Variants in PCDH9 observed in about 807,000 individuals in gnomAD.
PCDH9 encodes the protein protocadherin-9.
Under a neutral mutation model 70.6 loss-of-function variants are expected in PCDH9, and 24 were observed. The ratio of observed to expected loss-of-function variants is 0.34; its 90% CI spans 0.25 to 0.48. The LOEUF (loss-of-function observed/expected upper bound fraction) is 0.48, where lower values mean the gene tolerates loss of function less well. Among genes scored for constraint, PCDH9 ranks in the 20% least tolerant of loss-of-function variants. PCDH9 has a pLI of 0.99. For missense variants in PCDH9, 1,281 were observed against 1,503.6 expected, an observed-to-expected ratio of 0.85 and a Z score of 2.45; for synonymous variants, 562 against 558.5, an observed-to-expected ratio of 1.01 and a Z score of -0.09.
chr13:67,032,799 T>C (rs7317342), intron 2 of PCDH9, among the ~76,000 whole-genome samples: 16,316 of 152,160 alleles, frequency 0.11, 957 homozygotes, highest in Middle Eastern at 0.16. Flanking sequence ...TGCAGACAAG[T>C]TACTGAGTGA....
chr13:67,083,200 T>C (rs1254251921), intron 2 of PCDH9, among the ~76,000 whole-genome samples: 4 of 152,262 alleles, frequency 2.6e-5, no homozygotes, highest in South Asian at 2.1e-4. Flanking sequence ...AAATAACATA[T>C]GTATTATTAA....
chr13:67,226,911 C>A lies in PCDH9; in HGVS notation c.1530G>T (p.Pro510=), dbSNP rs568719540. 2 of 1,614,168 alleles carry A rather than the reference C, an allele frequency of 1.2e-6. No homozygotes were observed. Among genetic ancestry groups the A allele is most frequent in the African/African-American group, 1.3e-5 (1 of 75,030 alleles). Residue 510 remains proline, a synonymous_variant, in exon 2 of 5, where the codon CCG becomes CCT. Transcript: ENST00000377865. The surrounding 1 kb of genome is among the most constrained non-coding windows in gnomAD (Gnocchi z 5.0). ...GGTCCAGATCAAAGAAGGAGGCATT[C>A]GGTCCAAGCTGATAAACAATGTCTG... ...KNADIVYQLG[P]NASFFDLDRK... is the part of the protein sequence containing the mutation.
chr13:67,111,292 G>A (rs542400442), intron 2 of PCDH9, among the ~76,000 whole-genome samples: 311 of 152,198 alleles, frequency 2.0e-3, no homozygotes, highest in Non-Finnish European at 4.0e-3. Flanking sequence ...ATATATAGTC[G>A]TTATCATTCT....
At chr13:67,165,207 T>G (rs1307149386) in intron 2 of PCDH9, among the ~76,000 whole-genome samples, 3 of 152,284 alleles carry the variant, frequency 2.0e-5, no homozygotes, top group African/African-American at 7.2e-5. Flanking sequence ...ATTGTACTGA[T>G]GAATAAAAAA....
intron 3 of PCDH9, among the ~76,000 whole-genome samples, chr13:66,777,175 C>T (rs1449098032): frequency 6.6e-6 from 1 of 151,968 alleles, no homozygotes; most frequent in East Asian, 1.9e-4. Flanking sequence ...ACCATAAAAA[C>T]CCTAGAAGAA....
chr13:66,580,254 TTG>T (rs2076872051), intron 4 of PCDH9, among the ~76,000 whole-genome samples: 1 of 152,048 alleles, frequency 6.6e-6, no homozygotes, highest in South Asian at 2.1e-4. Flanking sequence ...GTTAAAATAT[TTG>T]TCTCTTTTCT....
chr13:66,347,278 A>G (rs1956225370), intron 4 of PCDH9, among the ~76,000 whole-genome samples: 1 of 152,344 alleles, frequency 6.6e-6, no homozygotes, highest in Middle Eastern at 3.4e-3. Flanking sequence ...TTGCATTTAC[A>G]TCTTGAATTT....
intron 2 of PCDH9, among the ~76,000 whole-genome samples, chr13:67,152,115 A>G (rs774548153): frequency 3.9e-5 from 6 of 152,196 alleles, no homozygotes; most frequent in Non-Finnish European, 7.3e-5. Flanking sequence ...ATTTGTTCCA[A>G]GAATTGTAAA....
At chr13:66,563,712 C>T (rs77523547) in intron 4 of PCDH9, among the ~76,000 whole-genome samples, 3,451 of 152,206 alleles carry the variant, frequency 0.023, 131 homozygotes, top group African/African-American at 0.078. Flanking sequence ...ATTATATTTG[C>T]GAATGCTCTT....
chr13:66,728,412 T>G (rs1212860154), intron 3 of PCDH9, among the ~76,000 whole-genome samples: 1 of 152,152 alleles, frequency 6.6e-6, no homozygotes, highest in Non-Finnish European at 1.5e-5. Flanking sequence ...TTTAAAAAAA[T>G]GTATCCGTTT....
intron 4 of PCDH9, among the ~76,000 whole-genome samples, chr13:66,330,110 C>T (rs1955916804): frequency 6.6e-6 from 1 of 152,192 alleles, no homozygotes; most frequent in South Asian, 2.1e-4. Flanking sequence ...TGCACTCCAC[C>T]ACTTCATTCC....
chr13:66,585,214 A>T (rs2076946751), intron 4 of PCDH9, among the ~76,000 whole-genome samples: 1 of 152,116 alleles, frequency 6.6e-6, no homozygotes, highest in African/African-American at 2.4e-5. Context: ...GCATATATGC[A>T]TTATTTTTCT....
chr13:67,130,019 A>C (rs1006601613), intron 2 of PCDH9, among the ~76,000 whole-genome samples: 4 of 152,218 alleles, frequency 2.6e-5, no homozygotes, highest in Admixed American at 6.5e-5. Flanking sequence ...CTTTTCTTTT[A>C]GGAAGAATAA....
chr13:67,206,930 A>T (rs1370709931), intron 2 of PCDH9: 1 of 152,210 alleles, frequency 6.6e-6, no homozygotes, highest in Non-Finnish European at 1.5e-5. Flanking sequence ...CTCTGCTTTG[A>T]GATGAGCAAA....
intron 2 of PCDH9, among the ~76,000 whole-genome samples, chr13:67,077,870 T>C (rs2085908436): frequency 6.6e-6 from 1 of 152,166 alleles, no homozygotes; most frequent in Admixed American, 6.5e-5. Flanking sequence ...AAAATTCACA[T>C]GTATATCGAT....
intron 2 of PCDH9, among the ~76,000 whole-genome samples, chr13:66,910,220 C>A (rs2082437197): frequency 6.6e-6 from 1 of 152,262 alleles, no homozygotes; most frequent in South Asian, 2.1e-4. Flanking sequence ...TGGAGGTAGT[C>A]ACTACAGCTC....
intron 4 of PCDH9, among the ~76,000 whole-genome samples, chr13:66,614,054 A>G (rs1164460573): frequency 2.6e-5 from 1 of 38,514 alleles, no homozygotes; most frequent in Non-Finnish European, 7.7e-5. Context: ...CCTTAGCTAC[A>G]CTTAGCACAC....
chr13:66,657,914 G>A (rs2077955334), intron 3 of PCDH9, among the ~76,000 whole-genome samples: 1 of 152,146 alleles, frequency 6.6e-6, no homozygotes, highest in African/African-American at 2.4e-5. Context: ...AGATTCAACA[G>A]ACTGCAGGTT....
In PCDH9 at chr13:66,667,365, G is replaced by A. The variant is rs971320963; in HGVS notation, c.3139-35954C>T. Among the ~76,000 whole-genome samples, 4 of 152,176 alleles carry A rather than the reference G, an allele frequency of 2.6e-5. No individual in the cohort carries two copies. In the South Asian group the frequency reaches 8.3e-4, roughly 32 times the overall value. ...TTGGATATTTTATAAAACATCCATA[G>A]TAATGGAAATATAAATATGCTATTT... On this transcript the variant is annotated intron_variant, in intron 3 of 4. Coordinates refer to ENST00000377865, the MANE Select transcript of PCDH9 (RefSeq NM_203487.3).
Sources: gnomAD v4.1 joint callset for allele counts (sites outside exome capture counted in the v4.1 genomes callset) on GRCh38, gnomAD v4.1.1 for gene constraint, Gnocchi (gnomAD v3.1) non-coding constraint, MANE v1.5 for transcripts, NCBI Gene and HGNC (gene_info 2026-07-23, HGNC 2026-07-21) for gene names.